Variants in CPEB1 observed in about 807,000 individuals in gnomAD.
The protein encoded by CPEB1 is cytoplasmic polyadenylation element-binding protein 1.
A neutral mutation model predicts 65.8 loss-of-function variants in CPEB1; 7 were observed. The ratio of observed to expected loss-of-function variants is 0.11; its 90% CI spans 0.06 to 0.20. The LOEUF is 0.20. Among genes scored for constraint, CPEB1 ranks in the 10% least tolerant of loss-of-function variants. CPEB1 has a pLI of 1.00. For missense variants in CPEB1, 551 were observed against 712.2 expected (o/e 0.77, Z 2.58); for synonymous variants, 262 against 260.0 (o/e 1.01, Z -0.08).
intron 3 of CPEB1, among the ~76,000 whole-genome samples, chr15:82,588,495 T>C (rs2151133484): frequency 6.6e-6 from 1 of 152,332 alleles, no homozygotes; most frequent in Admixed American, 6.5e-5. Context: ...TCCATATCTG[T>C]ATAAAGAAAT....
At chr15:82,561,907 C>T (rs989599977) in intron 4 of CPEB1, among the ~76,000 whole-genome samples, 6 of 152,214 alleles carry the variant, frequency 3.9e-5, no homozygotes, top group Admixed American at 3.9e-4. Context: ...CATGGTCATT[C>T]ATCTGTTCCG....
rs1229484775 is a variant in CPEB1, at chr15:82,544,069, A to C, written c.*523T>G. 1 of 152,470 alleles carries C rather than the reference A, an allele frequency of 6.6e-6. No individual in the cohort carries two copies. The highest frequency in any genetic ancestry group is 2.4e-5 in the African/African-American group (1 of 41,454). 9.4% of individuals were successfully genotyped at this position (152,470 alleles called of 1,614,324 possible). ...AGTCTCCTTATTGTTTACAGTAAAA[A>C]ACACCAGCTGAACACTCAGTTTATG... On this transcript the variant is annotated 3_prime_UTR_variant, in exon 13 of 13. Transcript: ENST00000684509.
intron 3 of CPEB1, among the ~76,000 whole-genome samples, chr15:82,621,295 G>C (rs777041345): frequency 1.3e-5 from 2 of 148,586 alleles, no homozygotes; most frequent in Non-Finnish European, 3.0e-5. Flanking sequence ...ACCAGCCTGG[G>C]CAACACAGTG....
At chr15:82,648,465 A>AGAGG (rs2047754045), upstream of CPEB1, 1 of 152,294 alleles carries the variant, frequency 6.6e-6, no homozygotes, top group South Asian at 2.1e-4. Flanking sequence ...CGTGCGCTGC[A>AGAGG]GAGGGGGCCG....
rs961232884 is a variant in CPEB1, at chr15:82,616,227, T to C, written c.271+10966A>G. 5.3e-5 allele frequency among the ~76,000 whole-genome samples: 8 copies of C among 152,154 alleles called. 1 individual carries two copies. Among genetic ancestry groups the C allele is most frequent in the Admixed American group, 4.6e-4 (7 of 15,274 alleles). On this transcript the variant is annotated intron_variant, in intron 3 of 12. Transcript: ENST00000684509. ...TTGAGCTTGAGAGCATGAGTGTATT[T>C]GTTTTGTGACAATTTACCCAGTTAT...
intron 3 of CPEB1, among the ~76,000 whole-genome samples, chr15:82,572,282 G>A (rs975050025): frequency 6.6e-6 from 1 of 152,210 alleles, no homozygotes; most frequent in Non-Finnish European, 1.5e-5. Flanking sequence ...TTACCACTGA[G>A]GAACAAGATA....
chr15:82,621,973 G>C (rs1567228461), intron 3 of CPEB1, among the ~76,000 whole-genome samples: 2 of 152,076 alleles, frequency 1.3e-5, no homozygotes, highest in Admixed American at 6.6e-5. Flanking sequence ...TAAATATTAA[G>C]TCTCCCTACC....
intron 1 of CPEB1, among the ~76,000 whole-genome samples, chr15:82,641,921 T>A (rs1397689874): frequency 1.3e-5 from 2 of 152,198 alleles, no homozygotes; most frequent in African/African-American, 2.4e-5. Flanking sequence ...GGCTTTAAAA[T>A]GACACCTAAT....
intron 3 of CPEB1, among the ~76,000 whole-genome samples, chr15:82,603,794 T>G (rs920583989): frequency 6.6e-6 from 1 of 152,144 alleles, no homozygotes; most frequent in African/African-American, 2.4e-5. Flanking sequence ...ATGCGAAGTT[T>G]ACAGAACTAG....
intron 1 of CPEB1, among the ~76,000 whole-genome samples, chr15:82,644,755 G>A (rs771546143): frequency 6.6e-5 from 10 of 152,082 alleles, no homozygotes; most frequent in Admixed American, 3.9e-4. Context: ...TGTTACCTCT[G>A]GCCCCTATAG....
intron 3 of CPEB1, among the ~76,000 whole-genome samples, chr15:82,600,245 T>A (rs1451890233): frequency 6.6e-6 from 1 of 152,166 alleles, no homozygotes; most frequent in East Asian, 1.9e-4. Flanking sequence ...CTGAACATGT[T>A]CAGTATATGG....
chr15:82,631,603 G>C (rs1288968731), intron 1 of CPEB1, among the ~76,000 whole-genome samples: 1 of 152,080 alleles, frequency 6.6e-6, no homozygotes, highest in African/African-American at 2.4e-5. Context: ...CTGTCTATCA[G>C]TCGTATCATT....
intron 4 of CPEB1, among the ~76,000 whole-genome samples, chr15:82,564,614 G>C (rs1334274516): frequency 6.6e-6 from 1 of 152,184 alleles, no homozygotes; most frequent in Non-Finnish European, 1.5e-5. Flanking sequence ...TGTTGACTTA[G>C]AGTGTAATAC....
At chr15:82,602,581 C>T (rs542685124) in intron 3 of CPEB1, among the ~76,000 whole-genome samples, 1 of 152,262 alleles carries the variant, frequency 6.6e-6, no homozygotes, top group South Asian at 2.1e-4. Context: ...CGCGGTGGCT[C>T]ACACCTCTAA....
intron 6 of CPEB1, among the ~76,000 whole-genome samples, chr15:82,555,325 C>T (rs954592139): frequency 2.6e-5 from 4 of 152,206 alleles, no homozygotes; most frequent in Non-Finnish European, 5.9e-5. Context: ...ATGTCAGAAC[C>T]TTAAGGATTC....
intron 3 of CPEB1, among the ~76,000 whole-genome samples, chr15:82,620,523 T>A (rs1567227437): frequency 6.6e-6 from 1 of 151,918 alleles, no homozygotes; most frequent in Non-Finnish European, 1.5e-5. Context: ...ATGAACTGGG[T>A]GTGGTGGCTC....
chr15:82,590,168 TGCA>T lies in CPEB1; in HGVS notation c.272-18639_272-18637del, dbSNP rs1209760847. Among the ~76,000 whole-genome samples the T allele has an allele frequency of 2.3e-5, 3 of 130,600 alleles. No individual in the cohort carries two copies. In the Admixed American group the frequency reaches 2.9e-4, roughly 12 times the overall value. 85.7% of individuals were successfully genotyped at this position (130,600 alleles called of 152,430 possible). ...GTTTATTAGTGTTGACTAAAAGAAG[TGCA>T]GAATAGTCTTTTCCTATGTGTCCCC... is the stretch of plus-strand genomic sequence containing the variant. On this transcript the variant is annotated intron_variant, in intron 3 of 12. Transcript: ENST00000684509.
At chr15:82,631,645 T>C (rs1596134492) in intron 1 of CPEB1, among the ~76,000 whole-genome samples, 2 of 152,264 alleles carry the variant, frequency 1.3e-5, no homozygotes, top group Non-Finnish European at 2.9e-5. Flanking sequence ...CAGGGATCCT[T>C]GAGGAAGGAT....
At chr15:82,633,729 C>G (rs1452859214) in intron 1 of CPEB1, among the ~76,000 whole-genome samples, 1 of 152,174 alleles carries the variant, frequency 6.6e-6, no homozygotes, top group East Asian at 1.9e-4. Flanking sequence ...TAGATAAGAG[C>G]TGACACTCCT....
Sources: gnomAD v4.1 joint callset for allele counts (sites outside exome capture counted in the v4.1 genomes callset) on GRCh38, gnomAD v4.1.1 for gene constraint, MANE v1.5 for transcripts, NCBI Gene and HGNC (gene_info 2026-07-23, HGNC 2026-07-21) for gene names.